MARVELD2: variants seen among roughly 807,000 people sequenced by gnomAD.
The protein encoded by MARVELD2 is MARVEL domain containing 2.
Under a neutral mutation model 57.6 loss-of-function variants are expected in MARVELD2, and 49 were observed. That is an observed-to-expected ratio of 0.85 (90% CI 0.68 to 1.08). The LOEUF is 1.08. Ranked by LOEUF, MARVELD2 falls within the 50% of genes least tolerant of loss-of-function variation. The pLI is 0.00. For synonymous variants in MARVELD2, 238 were observed against 258.8 expected (o/e 0.92, Z 0.77); for missense variants, 606 against 701.1 (o/e 0.86, Z 1.53).
intron 1 of MARVELD2, among the ~76,000 whole-genome samples, chr5:69,418,213 T>G (rs1766489007): frequency 6.6e-6 from 1 of 152,170 alleles, no homozygotes; most frequent in Admixed American, 6.5e-5. Flanking sequence ...AGTTTAAGTC[T>G]TCAATAATGA....
chr5:69,420,654 C>CA, intron 2 of MARVELD2, 123 bp downstream of exon 2: 5 of 769,130 alleles, frequency 6.5e-6, no homozygotes, highest in Non-Finnish European at 9.8e-6. Context: ...TTCTTTCTTC[C>CA]TTTTTTTTTT....
At chr5:69,439,716 T>G (rs1207570800) in intron 5 of MARVELD2, among the ~76,000 whole-genome samples, 1 of 151,806 alleles carries the variant, frequency 6.6e-6, no homozygotes, top group Non-Finnish European at 1.5e-5. Context: ...ATCACGCCAC[T>G]GTACTCCAGC....
chr5:69,436,365 CAAACAAAAAAA>C lies in MARVELD2; in HGVS notation c.1503+3274_1503+3284del, dbSNP rs546056036. On this transcript the variant is annotated intron_variant, in intron 5 of 6. Coordinates refer to ENST00000325631, the MANE Select transcript of MARVELD2 (RefSeq NM_001038603.3). ...GACAGAGCCAAAAAAAACCAAAAAA[CAAACAAAAAAA>C]ACTAAATGTCAAATTTATGTATGGG... is the stretch of plus-strand genomic sequence containing the variant. Among the ~76,000 whole-genome samples the C allele has an allele frequency of 5.2e-3, 744 of 142,758 alleles. 8 individuals are homozygous for C. Among genetic ancestry groups the C allele is most frequent in the African/African-American group, 0.018 (698 of 38,506 alleles). 93.7% of individuals were successfully genotyped at this position (142,758 alleles called of 152,430 possible). A position where few individuals can be genotyped will look rare whatever the true frequency, so the allele number is the denominator to read the frequency against.
chr5:69,432,826 G>A, intron 4 of MARVELD2, 96 bp from the exon 5 acceptor site: 1 of 1,545,654 alleles, frequency 6.5e-7, no homozygotes, highest in Non-Finnish European at 8.9e-7. Context: ...TTGAATTGAA[G>A]GTACAATATG....
At chr5:69,422,207 G>A (rs550545440) in intron 2 of MARVELD2, among the ~76,000 whole-genome samples, 1 of 151,152 alleles carries the variant, frequency 6.6e-6, no homozygotes, top group Non-Finnish European at 1.5e-5. Flanking sequence ...TGGGCACCTT[G>A]AAAAAAGAAC....
At position 69,432,994 on chromosome 5, in the gene MARVELD2, G is replaced by A; in HGVS notation, c.1404G>A (p.Glu468=). ...CTGTGTTCCAAGACCAGTTTTCAGA[G>A]TACAAAGAGCTGTCTGCAGAAGTTC... is the stretch of plus-strand genomic sequence containing the variant. The part of the protein sequence containing the change: ...YKAVFQDQFS[E]YKELSAEVQA... The change falls in exon 5 of 7, where the codon GAG becomes GAA. Residue 468 remains glutamate, a synonymous_variant. Transcript: ENST00000325631. 1 of 1,614,190 alleles carries A rather than the reference G, an allele frequency of 6.2e-7. No homozygotes were observed. The highest frequency in any genetic ancestry group is 8.5e-7 in the Non-Finnish European group (1 of 1,180,044).
At position 69,442,310 on chromosome 5, in the gene MARVELD2, A is replaced by G. The variant is rs1283088671; in HGVS notation, c.*656A>G. ...TAGAGAAATTCCTAGGGGATTTCTAAAGGATTTTTCTAAGGGAAAAAGGGT... is the reference window on the plus strand; with the variant it reads ...TAGAGAAATTCCTAGGGGATTTCTAGAGGATTTTTCTAAGGGAAAAAGGGT... On this transcript the variant is annotated 3_prime_UTR_variant, in exon 7 of 7. Coordinates refer to ENST00000325631, the MANE Select transcript of MARVELD2 (RefSeq NM_001038603.3). 6.6e-6 allele frequency: 1 copy of G among 152,116 alleles called. No individual in the cohort carries two copies. The highest frequency in any genetic ancestry group is 1.5e-5 in the Non-Finnish European group (1 of 68,024). The allele number at this position is 152,116 out of a possible 1,614,324, so 9.4% of individuals were successfully genotyped here. A position where few individuals can be genotyped will look rare whatever the true frequency, so the allele number is the denominator to read the frequency against.
At position 69,432,555 on chromosome 5, in the gene MARVELD2, A is replaced by C; in HGVS notation, c.1211A>C (p.Gln404Pro). The C allele has an allele frequency of 1.2e-6, 2 of 1,614,224 alleles. No individual in the cohort carries two copies. Among genetic ancestry groups the C allele is most frequent in the South Asian group, 2.2e-5 (2 of 91,088 alleles). ...GAAATGGCCACCAGTGGTGACAGAC[A>C]AAGAGACTCAGAAGTTAATTTCAAG... ...MCEMATSGDR[Q>P]RDSEVNFKEL... Residue 404 changes from glutamine (Q) to proline (P), a missense_variant, in exon 4 of 7, where the codon CAA (glutamine) becomes CCA (proline). By Grantham distance (76) the Gln-to-Pro change is moderately conservative. Transcript: ENST00000325631.
intron 5 of MARVELD2, among the ~76,000 whole-genome samples, chr5:69,434,835 T>G (rs1767082760): frequency 6.6e-6 from 1 of 151,322 alleles, no homozygotes; most frequent in Admixed American, 6.6e-5. Flanking sequence ...TAGCTGGGAT[T>G]CAGGCATGCG....
At chr5:69,436,485 T>G (rs1767147727) in intron 5 of MARVELD2, among the ~76,000 whole-genome samples, 1 of 151,536 alleles carries the variant, frequency 6.6e-6, no homozygotes, top group Non-Finnish European at 1.5e-5. Flanking sequence ...AGAAGTTAGG[T>G]GTCTTTGTTT....
At chr5:69,424,466 A>G (rs542136276) in intron 2 of MARVELD2, 135 bp from the exon 3 acceptor site, 34 of 725,278 alleles carry the variant, frequency 4.7e-5, no homozygotes, top group Non-Finnish European at 7.8e-5. Context: ...AGGCAAAAAA[A>G]GGATGAGAAA....
At chr5:69,435,736 G>C (rs936218157) in intron 5 of MARVELD2, among the ~76,000 whole-genome samples, 7 of 113,412 alleles carry the variant, frequency 6.2e-5, no homozygotes, top group Admixed American at 6.1e-4. Flanking sequence ...CTGGGCAACA[G>C]AGTGAGACCC....
chr5:69,433,172 T>TTC, intron 5 of MARVELD2, 79 bp downstream of exon 5: 1 of 1,437,016 alleles, frequency 7.0e-7, no homozygotes, highest in Non-Finnish European at 9.5e-7. Flanking sequence ...TTTTTTTTTT[T>TTC]TTTTTCTGTG....
At chr5:69,427,164 A>G (rs937473407) in intron 3 of MARVELD2, among the ~76,000 whole-genome samples, 11 of 152,168 alleles carry the variant, frequency 7.2e-5, no homozygotes, top group African/African-American at 2.4e-4. Context: ...AAAAGAAATA[A>G]TAGATATAAG....
rs905529957 is a variant in MARVELD2 at position 69,419,903 on chromosome 5, G to A, written c.518G>A (p.Ser173Asn). 1.9e-6 allele frequency: 3 copies of A among 1,614,084 alleles called. No individual in the cohort carries two copies. The African/African-American group carries it at 4.0e-5, about 22-fold the overall frequency. ...DRHTQTVRTY[S>N]EKVEEYNLRY... Reference sequence around the variant, plus strand: ...CACACACAAACAGTTCGAACATACAGTGAGAAGGTGGAGGAGTATAACCTG... The same window carrying A: ...CACACACAAACAGTTCGAACATACAATGAGAAGGTGGAGGAGTATAACCTG... The change falls in exon 2 of 7, where the codon AGT (serine) becomes AAT (asparagine). Residue 173 changes from serine to asparagine, a missense_variant. Ser to Asn is a conservative substitution (Grantham distance 46). Transcript: ENST00000325631.
rs141430758 is a variant in MARVELD2 at position 69,431,822 on chromosome 5, T to A, written c.1183-705T>A. On this transcript the variant is annotated intron_variant, in intron 3 of 6. Transcript: ENST00000325631. ...TCCTGTCTTCCTCCCCATTTTCTTC[T>A]TCTTCTTCTTTTTTTTTTTTTTTTT... Among the ~76,000 whole-genome samples the A allele has an allele frequency of 2.0e-3, 293 of 150,158 alleles. 1 individual carries two copies. The highest frequency in any genetic ancestry group is 6.6e-3 in the African/African-American group (270 of 40,732).
At chr5:69,437,054 T>G (rs1026953622) in intron 5 of MARVELD2, among the ~76,000 whole-genome samples, 6 of 151,432 alleles carry the variant, frequency 4.0e-5, no homozygotes, top group Admixed American at 6.6e-5. Flanking sequence ...CCAGGCATGG[T>G]GGTGTGTGCC....
In MARVELD2 at chr5:69,433,057, G is replaced by A; in HGVS notation, c.1467G>A (p.Val489=). 2 of 1,611,164 alleles carry A rather than the reference G, an allele frequency of 1.2e-6. No homozygotes were observed. Among genetic ancestry groups the A allele is most frequent in the South Asian group, 1.1e-5 (1 of 91,048 alleles). The change falls in exon 5 of 7, where the codon GTG becomes GTA. Residue 489 remains valine, a synonymous_variant. Coordinates refer to ENST00000325631, the MANE Select transcript of MARVELD2 (RefSeq NM_001038603.3). ...GGAAGTTTGATGAGCTGGATGCAGT[G>A]ATGAGCAGATTGCCACATCATTCGG... The part of the protein sequence containing the change: ...VLRKFDELDA[V]MSRLPHHSES...
chr5:69,431,681 T>G (rs1301639526), intron 3 of MARVELD2, among the ~76,000 whole-genome samples: 1 of 152,182 alleles, frequency 6.6e-6, no homozygotes, highest in Non-Finnish European at 1.5e-5. Flanking sequence ...TACTGTGTAT[T>G]ACCATATCCC....
Sources: allele counts gnomAD v4.1 joint callset (sites outside exome capture counted in the v4.1 genomes callset), GRCh38; gene constraint gnomAD v4.1.1; transcripts MANE v1.5; gene names NCBI Gene and HGNC (gene_info 2026-07-23, HGNC 2026-07-21).